Variants in KRT5 observed in about 807,000 individuals in gnomAD.
KRT5 encodes keratin, type II cytoskeletal 5.
KRT5 carries 17 observed loss-of-function variants against 44.0 expected under a neutral mutation model. The ratio of observed to expected loss-of-function variants is 0.39; its 90% CI spans 0.26 to 0.58. The LOEUF (loss-of-function observed/expected upper bound fraction) is 0.58. Among genes scored for constraint, KRT5 ranks in the 20% least tolerant of loss-of-function variants. The pLI is 0.61. For synonymous variants in KRT5, 329 were observed against 312.8 expected, an observed-to-expected ratio of 1.05 and a Z score of -0.55; for missense variants, 737 against 785.5, an observed-to-expected ratio of 0.94 and a Z score of 0.74.
chr12:52,520,080 T>C lies in KRT5; in HGVS notation c.217A>G (p.Arg73Gly). The change falls in exon 1 of 9, where the codon AGG (arginine) becomes GGG (glycine). Residue 73 changes from arginine to glycine, a missense_variant. Coordinates refer to ENST00000252242, the MANE Select transcript of KRT5 (RefSeq NM_000424.4). ...CCACCACTAGTGCTGATGGATATCC[T>C]CTTGGAGCCCCCCAGGTTGTAGAGG... ...RSLYNLGGSK[R>G]ISISTSGGSF... 1 of 1,614,046 alleles carries C rather than the reference T, an allele frequency of 6.2e-7. No individual in the cohort carries two copies. The highest frequency in any genetic ancestry group is 8.5e-7 in the Non-Finnish European group (1 of 1,179,988).
At chr12:52,518,552 T>G in intron 2 of KRT5, 1 of 542,108 alleles carries the variant, frequency 1.8e-6, no homozygotes, top group South Asian at 1.6e-5. Flanking sequence ...TGCTGGTTCA[T>G]AAGACTAAAG....
chr12:52,520,222 C>A lies in KRT5; in HGVS notation c.75G>T (p.Pro25=). 1.2e-6 allele frequency: 2 copies of A among 1,614,086 alleles called. No individual in the cohort carries two copies. Among genetic ancestry groups the A allele is most frequent in the African/African-American group, 2.7e-5 (2 of 75,044 alleles). Residue 25 remains proline (P), a synonymous_variant, in exon 1 of 9, where the codon CCG becomes CCT. Coordinates refer to ENST00000252242, the MANE Select transcript of KRT5 (RefSeq NM_000424.4). The part of the protein sequence containing the change: ...RSFSTASAIT[P]SVSRTSFTSV... The stretch of plus-strand genomic sequence containing the variant: ...AGGTGAAGCTGGTGCGGGAGACAGA[C>A]GGGGTGATGGCAGAGGCGGTGCTGA...
chr12:52,516,762 G>C lies in KRT5; in HGVS notation c.1314C>G (p.Ala438=). The C allele has an allele frequency of 3.1e-6, 5 of 1,614,192 alleles. No homozygotes were observed. Among genetic ancestry groups the C allele is most frequent in the Non-Finnish European group, 4.2e-6 (5 of 1,180,036 alleles). Reference sequence around the variant, plus strand: ...CCATGTCCTGCTTGGCCTTCTGCAGGGCCTCCTCCAGCTCGGCCAGCTTGT... The same window carrying C: ...CCATGTCCTGCTTGGCCTTCTGCAGCGCCTCCTCCAGCTCGGCCAGCTTGT... ...ARNKLAELEE[A]LQKAKQDMAR... The change falls in exon 7 of 9, where the codon GCC becomes GCG. Residue 438 remains alanine (A), a synonymous_variant. Transcript: ENST00000252242.
At chr12:52,517,831 CATT>C in intron 4 of KRT5, 63 bp downstream of exon 4, 1 of 1,608,086 alleles carries the variant, frequency 6.2e-7, no homozygotes, top group Non-Finnish European at 8.5e-7. Flanking sequence ...ATCTTTCACT[CATT>C]GTGATATGAC....
In KRT5 at chr12:52,519,138, T is replaced by C. The variant is rs373124656; in HGVS notation, c.578A>G (p.Asn193Ser). The change falls in exon 2 of 9, where the codon AAC (asparagine) becomes AGC (serine). Residue 193 changes from asparagine to serine, a missense_variant. Asn to Ser is a conservative substitution (Grantham distance 46). This residue lies in a region of KRT5 where 326 missense variants were observed against 333.1 expected (regional missense o/e 0.98). Coordinates refer to ENST00000252242, the MANE Select transcript of KRT5 (RefSeq NM_000424.4). ...GGTCCACTTGGTGTCCAGAACCTTG[T>C]TCTGCTGCTCCAGGAACCGCACCTG... ...IDKVRFLEQQ[N>S]KVLDTKWTLL... 4 of 1,614,074 alleles carry C rather than the reference T, an allele frequency of 2.5e-6. No homozygotes were observed. In the South Asian group the frequency reaches 3.3e-5, roughly 13 times the overall value.
chr12:52,515,876 A>C (rs754993022), intron 7 of KRT5, 44 bp from the exon 8 acceptor site: 1 of 1,528,440 alleles, frequency 6.5e-7, no homozygotes, highest in Non-Finnish European at 9.1e-7. Context: ...GCTCCCAAAA[A>C]GACAGCATTA....
Position 52,515,158 on chromosome 12 carries a change from G to A in KRT5, c.1557C>T (p.Gly519=). The change falls in exon 9 of 9, where the codon GGC becomes GGT. Residue 519 remains glycine, a synonymous_variant. Coordinates refer to ENST00000252242, the MANE Select transcript of KRT5 (RefSeq NM_000424.4). ...GGGLGGGLGG[G]LGGGLAGGSS... Reference sequence around the variant, plus strand: ...TACCTCCGGCAAGACCTCCACCGAGGCCGCCGCCAAGACCTCCACCGAGGC... The same window carrying A: ...TACCTCCGGCAAGACCTCCACCGAGACCGCCGCCAAGACCTCCACCGAGGC... 1 of 1,610,492 alleles carries A rather than the reference G, an allele frequency of 6.2e-7. No individual in the cohort carries two copies. Among genetic ancestry groups the A allele is most frequent in the Non-Finnish European group, 8.5e-7 (1 of 1,178,754 alleles).
At position 52,520,158 on chromosome 12, in the gene KRT5, C is replaced by T. The variant is rs144480716; in HGVS notation, c.139G>A (p.Gly47Ser). Residue 47 changes from glycine (G) to serine (S), a missense_variant, in exon 1 of 9, where the codon GGC becomes AGC. Transcript: ENST00000252242. ...CAAGCACCCGCAAGGCTGACCCTGC[C>T]GAAGCCACCACCACCGCCACCCCCG... ...RSGGGGGGGF[G>S]RVSLAGACGV... 3.0e-5 allele frequency: 48 copies of T among 1,613,866 alleles called. No individual in the cohort carries two copies. Among genetic ancestry groups the T allele is most frequent in the Middle Eastern group, 1.6e-4 (1 of 6,062 alleles).
intron 1 of KRT5, 105 bp from the exon 2 acceptor site, chr12:52,519,265 G>T: frequency 6.6e-7 from 1 of 1,518,658 alleles, no homozygotes; most frequent in African/African-American, 1.4e-5. Context: ...AAGCTTTTCT[G>T]TGCACTGTGC....
chr12:52,518,377 C>T lies in KRT5; in HGVS notation c.771-214G>A, dbSNP rs75732891. On this transcript the variant is annotated intron_variant, in intron 2 of 8. Transcript: ENST00000252242. ...TGTAACTGCCTACCATATAATAATT[C>T]TATTATTGCTCTAATTCAGTTGTTT... 42 of 674,826 alleles carry T rather than the reference C, an allele frequency of 6.2e-5. No individual in the cohort carries two copies. The East Asian group carries it at 1.1e-3, about 18-fold the overall frequency. 41.8% of individuals were successfully genotyped at this position (674,826 alleles called of 1,614,324 possible). A position where few individuals can be genotyped will look rare whatever the true frequency, so the allele number is the denominator to read the frequency against.
Position 52,515,228 on chromosome 12 carries a change from CT to C in KRT5, c.1486del (p.Ser496AlafsTer47). The C allele has an allele frequency of 6.2e-7, 1 of 1,607,820 alleles. No individual in the cohort carries two copies. Among genetic ancestry groups the C allele is most frequent in the Non-Finnish European group, 8.5e-7 (1 of 1,179,928 alleles). On this transcript the variant is annotated frameshift_variant, in exon 9 of 9. Coordinates refer to ENST00000252242, the MANE Select transcript of KRT5 (RefSeq NM_000424.4). LOFTEE classifies it low-confidence loss of function (END_TRUNC). ...ACTGCCATATCCAGAGGAAACACTG[CT>C]TGTGACAACAGCTGCAGGGAAAGGA... Reference protein sequence around the residue: ...VGPVNISVVTSSVSSGYGSGS... With the variant: ...VGPVNISVVTXSVSSGYGSGS...
At chr12:52,517,546 T>A (rs1278863248) in intron 5 of KRT5, 44 bp downstream of exon 5, 1 of 1,598,108 alleles carries the variant, frequency 6.3e-7, no homozygotes, top group East Asian at 2.2e-5. Flanking sequence ...ATCCTAGACA[T>A]GGGTGTGTCC....
chr12:52,518,176 G>A lies in KRT5; in HGVS notation c.771-13C>T. ...TTCATCCTCATACCTGGTGGTGAAA[G>A]GGATGGGAAGTGTTTGTCAGAGGAT... On this transcript the variant is annotated splice_polypyrimidine_tract_variant and intron_variant, in intron 2 of 8. Transcript: ENST00000252242. The A allele has an allele frequency of 6.2e-7, 1 of 1,613,792 alleles. No individual in the cohort carries two copies. Among genetic ancestry groups the A allele is most frequent in the Non-Finnish European group, 8.5e-7 (1 of 1,179,628 alleles).
chr12:52,516,545 A>G, intron 7 of KRT5, 92 bp downstream of exon 7: 2 of 1,220,808 alleles, frequency 1.6e-6, no homozygotes, highest in Non-Finnish European at 2.4e-6. Flanking sequence ...CGCACAAGTC[A>G]CTGATCTCAT....
Position 52,517,095 on chromosome 12 carries a change from A to T in KRT5, c.1218+12T>A. ...CAGGCCCCTTCCTTGCCCTCTTTCA[A>T]TCTCACCCTACCTGTTTCTTGACAT... is the stretch of plus-strand genomic sequence containing the variant. On this transcript the variant is annotated intron_variant, in intron 6 of 8. Coordinates refer to ENST00000252242, the MANE Select transcript of KRT5 (RefSeq NM_000424.4). The T allele has an allele frequency of 6.2e-7, 1 of 1,614,080 alleles. No individual in the cohort carries two copies. The highest frequency in any genetic ancestry group is 1.3e-5 in the African/African-American group (1 of 75,020).
chr12:52,520,159 G>A lies in KRT5; in HGVS notation c.138C>T (p.Phe46=), dbSNP rs201458850. 164 of 1,613,868 alleles carry A rather than the reference G, an allele frequency of 1.0e-4. 1 individual carries two copies. The South Asian group carries it at 1.5e-3, about 15-fold the overall frequency. ...AAGCACCCGCAAGGCTGACCCTGCC[G>A]AAGCCACCACCACCGCCACCCCCGG... ...SRSGGGGGGG[F]GRVSLAGACG... is the part of the protein sequence containing the mutation. Residue 46 remains phenylalanine, a synonymous_variant, in exon 1 of 9, where the codon TTC becomes TTT. Transcript: ENST00000252242.
intron 1 of KRT5, 66 bp from the exon 2 acceptor site, chr12:52,519,226 G>GAAC: frequency 6.2e-7 from 1 of 1,600,390 alleles, no homozygotes; most frequent in South Asian, 1.1e-5. Context: ...AACTCACTAA[G>GAAC]GTGCCTCCCA....
At position 52,515,812 on chromosome 12, in the gene KRT5, C is replaced by A; in HGVS notation, c.1460G>T (p.Gly487Val). The change falls in exon 8 of 9, where the codon GGA (glycine) becomes GTA (valine). Residue 487 changes from glycine (G) to valine (V), a missense_variant. This residue lies in a region of KRT5 where 344 missense variants were observed against 351.6 expected (regional missense o/e 0.98). Transcript: ENST00000252242. ...EECRLSGEGV[G>V]PVNISVVTSS... is the part of the protein sequence containing the mutation. ...AAGCTACTTACAGATGTTGACTGGT[C>A]CAACTCCTTCTCCACTGAGTCTGAA... 1 of 1,613,292 alleles carries A rather than the reference C, an allele frequency of 6.2e-7. No individual in the cohort carries two copies. Among genetic ancestry groups the A allele is most frequent in the African/African-American group, 1.3e-5 (1 of 75,010 alleles).
intron 4 of KRT5, 21 bp from the exon 5 acceptor site, chr12:52,517,775 G>T: frequency 6.2e-7 from 1 of 1,613,924 alleles, no homozygotes; most frequent in Non-Finnish European, 8.5e-7. Context: ...ATTTGGAGTC[G>T]GTCATCTGGT....
Sources: gnomAD v4.1 joint callset for allele counts on GRCh38, gnomAD v4.1.1 for gene constraint, gnomAD v4.1.1 regional missense constraint, MANE v1.5 for transcripts, NCBI Gene and HGNC (gene_info 2026-07-23, HGNC 2026-07-21) for gene names.